Variants in PPARGC1A observed in about 807,000 individuals in gnomAD.
PPARGC1A encodes the protein PPARG coactivator 1 alpha.
In PPARGC1A, 25 loss-of-function variants were observed where a neutral mutation model predicts 88.7. That is an observed-to-expected ratio of 0.28 (90% CI 0.21 to 0.39). The LOEUF is 0.39. Ranked by LOEUF, PPARGC1A falls within the 10% of genes least tolerant of loss-of-function variation. The pLI, the probability that PPARGC1A is intolerant of heterozygous loss-of-function variation, is 1.00. For synonymous variants in PPARGC1A, 363 were observed against 355.6 expected, an observed-to-expected ratio of 1.02 and a Z score of -0.24; for missense variants, 880 against 968.7, an observed-to-expected ratio of 0.91 and a Z score of 1.22.
the PPARGC1A span, among the ~76,000 whole-genome samples, chr4:23,973,826 C>T: frequency 1.3e-5 from 2 of 151,996 alleles, no homozygotes; most frequent in African/African-American, 4.8e-5. Context: ...TAAAACAAAA[C>T]AAATGTGTTG....
chr4:23,828,830 T>G (rs1724481307), intron 4 of PPARGC1A, among the ~76,000 whole-genome samples: 1 of 152,194 alleles, frequency 6.6e-6, no homozygotes, highest in South Asian at 2.1e-4. Context: ...CATTTCAATG[T>G]TCCTACTCAG....
chr4:23,807,221 TAGAA>T (rs1719964593), intron 10 of PPARGC1A, among the ~76,000 whole-genome samples: 1 of 152,072 alleles, frequency 6.6e-6, no homozygotes, highest in Admixed American at 6.6e-5. Context: ...AAGGTACAGA[TAGAA>T]AGATATACCA....
chr4:24,233,777 G>A, the PPARGC1A span, among the ~76,000 whole-genome samples: 1 of 152,030 alleles, frequency 6.6e-6, no homozygotes, highest in Non-Finnish European at 1.5e-5. Flanking sequence ...AATAGTCTAA[G>A]AAGCTAGGGC....
At chr4:24,193,538 C>G in the PPARGC1A span, among the ~76,000 whole-genome samples, 1 of 152,050 alleles carries the variant, frequency 6.6e-6, no homozygotes, top group Non-Finnish European at 1.5e-5. Context: ...TCATCAGGAT[C>G]TGAAAATCTG....
the PPARGC1A span, among the ~76,000 whole-genome samples, chr4:24,257,887 C>A: frequency 6.6e-5 from 10 of 151,484 alleles, no homozygotes; most frequent in Non-Finnish European, 1.5e-4. Context: ...AATAAAGACA[C>A]CTTATATTTA....
the PPARGC1A span, among the ~76,000 whole-genome samples, chr4:24,402,750 T>C: frequency 0.015 from 2,249 of 152,322 alleles, 42 homozygotes; most frequent in African/African-American, 0.051. Flanking sequence ...AATCTGAGCT[T>C]GGCTCCTCAC....
chr4:23,830,403 A>C (rs569626019), intron 3 of PPARGC1A, among the ~76,000 whole-genome samples: 2 of 152,300 alleles, frequency 1.3e-5, no homozygotes, highest in African/African-American at 4.8e-5. Context: ...CTCTGAGTCA[A>C]CTGCTCTTCC....
At chr4:24,394,401 G>A in the PPARGC1A span, among the ~76,000 whole-genome samples, 8 of 152,108 alleles carry the variant, frequency 5.3e-5, no homozygotes, top group African/African-American at 7.2e-5. Flanking sequence ...TGAAGTTCAC[G>A]TCTAGGGACC....
the PPARGC1A span, among the ~76,000 whole-genome samples, chr4:24,190,075 G>A: frequency 4.8e-3 from 737 of 152,236 alleles, 5 homozygotes; most frequent in Non-Finnish European, 6.3e-3. Context: ...GAAATGTCTA[G>A]GGTTTCAGAA....
chr4:24,291,234 C>A, the PPARGC1A span, among the ~76,000 whole-genome samples: 1 of 152,144 alleles, frequency 6.6e-6, no homozygotes, highest in African/African-American at 2.4e-5. Flanking sequence ...AACCTCTGGG[C>A]CTGACAAAAC....
At chr4:24,328,334 T>C in the PPARGC1A span, among the ~76,000 whole-genome samples, 2 of 149,406 alleles carry the variant, frequency 1.3e-5, no homozygotes, top group African/African-American at 2.5e-5. Context: ...TTGGAGAGCA[T>C]GAAAATTCTG....
chr4:23,970,186 G>A, the PPARGC1A span, among the ~76,000 whole-genome samples: 1 of 152,140 alleles, frequency 6.6e-6, no homozygotes, highest in Non-Finnish European at 1.5e-5. Context: ...AGTCTGCAGA[G>A]GACTGAGGAA....
At chr4:24,368,397 A>G in the PPARGC1A span, among the ~76,000 whole-genome samples, 2 of 152,174 alleles carry the variant, frequency 1.3e-5, no homozygotes, top group African/African-American at 4.8e-5. Flanking sequence ...TTTTGTAGTC[A>G]TGGTAACCTG....
the PPARGC1A span, among the ~76,000 whole-genome samples, chr4:24,308,029 T>C: frequency 3.9e-5 from 6 of 152,108 alleles, no homozygotes; most frequent in Non-Finnish European, 8.8e-5. Context: ...CGGTGGCTCA[T>C]GCCTGTAACC....
the PPARGC1A span, among the ~76,000 whole-genome samples, chr4:24,328,842 C>A: frequency 6.6e-3 from 1,005 of 152,314 alleles, 14 homozygotes; most frequent in African/African-American, 0.022. Flanking sequence ...CTTGGCCATT[C>A]AGTCCATGAA....
the PPARGC1A span, among the ~76,000 whole-genome samples, chr4:24,460,540 T>C: frequency 2.6e-5 from 4 of 151,942 alleles, no homozygotes; most frequent in East Asian, 7.7e-4. Context: ...GGAGAAATAA[T>C]TTTTAAATTC....
At chr4:24,227,692 C>T in the PPARGC1A span, among the ~76,000 whole-genome samples, 1 of 152,186 alleles carries the variant, frequency 6.6e-6, no homozygotes, top group Non-Finnish European at 1.5e-5. Flanking sequence ...CATCCCCTCA[C>T]CTCCAACCTC....
At chr4:24,176,789 A>G in the PPARGC1A span, among the ~76,000 whole-genome samples, 1 of 151,352 alleles carries the variant, frequency 6.6e-6, no homozygotes, top group Non-Finnish European at 1.5e-5. Context: ...CTAAAGAGAA[A>G]GGTCGAAAAG....
chr4:24,084,080 G>A, the PPARGC1A span, among the ~76,000 whole-genome samples: 1 of 152,150 alleles, frequency 6.6e-6, no homozygotes. Flanking sequence ...AACCAGCCTG[G>A]TTGTTAACCA....
Sources: allele counts gnomAD v4.1 joint callset (sites outside exome capture counted in the v4.1 genomes callset), GRCh38; gene constraint gnomAD v4.1.1; transcripts MANE v1.5; gene names NCBI Gene and HGNC (gene_info 2026-07-23, HGNC 2026-07-21).